Variants in GRM8 observed in about 807,000 individuals in gnomAD.
GRM8 encodes the protein glutamate metabotropic receptor 8, also known as metabotropic glutamate receptor 8.
In GRM8, 47 loss-of-function variants were observed where a neutral mutation model predicts 87.2. The ratio of observed to expected loss-of-function variants is 0.54; its 90% confidence interval spans 0.43 to 0.69. GRM8 has a LOEUF of 0.69. Ranked by LOEUF, GRM8 falls within the 30% of genes least tolerant of loss-of-function variation. The pLI, the probability that GRM8 is intolerant of heterozygous loss-of-function variation, is 0.00. For synonymous variants in GRM8, 396 were observed against 404.5 expected, an observed-to-expected ratio of 0.98 and a Z score of 0.25; for missense variants, 1,019 against 1,139.2, an observed-to-expected ratio of 0.89 and a Z score of 1.52.
intron 7 of GRM8, among the ~76,000 whole-genome samples, chr7:126,732,893 G>A (rs2299503): frequency 0.35 from 53,000 of 151,918 alleles, 9,654 homozygotes; most frequent in Non-Finnish European, 0.38. Flanking sequence ...TTATGTTTAG[G>A]TCACGGTTGC....
intron 2 of GRM8, among the ~76,000 whole-genome samples, chr7:127,147,208 C>T (rs151159064): frequency 3.3e-5 from 5 of 152,024 alleles, no homozygotes; most frequent in East Asian, 3.9e-4. Context: ...CCACAGAAAG[C>T]CTCAGAGAGC....
intron 3 of GRM8, among the ~76,000 whole-genome samples, chr7:126,993,032 G>GCATC (rs1402137295): frequency 2.0e-5 from 3 of 152,004 alleles, no homozygotes; most frequent in Non-Finnish European, 2.9e-5. Flanking sequence ...TTTTGTTATG[G>GCATC]CATCCCAAGC....
chr7:126,536,653 T>G (rs1313924491), intron 8 of GRM8, among the ~76,000 whole-genome samples: 1 of 151,826 alleles, frequency 6.6e-6, no homozygotes, highest in Non-Finnish European at 1.5e-5. Context: ...TCAAAAATAC[T>G]GAGAAAAAAA....
At chr7:127,110,336 C>T (rs1248623055) in intron 2 of GRM8, among the ~76,000 whole-genome samples, 1 of 152,200 alleles carries the variant, frequency 6.6e-6, no homozygotes, top group African/African-American at 2.4e-5. Flanking sequence ...CAGCCCTGCC[C>T]TAACTTCTTA....
chr7:126,487,273 C>A (rs1000281897), intron 9 of GRM8, among the ~76,000 whole-genome samples: 5 of 151,740 alleles, frequency 3.3e-5, no homozygotes, highest in African/African-American at 2.4e-5. Context: ...GCTTCAGACA[C>A]GCAATATGGT....
intron 2 of GRM8, among the ~76,000 whole-genome samples, chr7:127,108,167 T>C (rs1825995557): frequency 6.6e-6 from 1 of 152,124 alleles, no homozygotes; most frequent in Non-Finnish European, 1.5e-5. Flanking sequence ...GACAAATTTT[T>C]CCCCTGGTTA....
At chr7:127,178,751 C>T (rs1479005488) in intron 2 of GRM8, among the ~76,000 whole-genome samples, 3 of 152,018 alleles carry the variant, frequency 2.0e-5, no homozygotes, top group Non-Finnish European at 2.9e-5. Context: ...GCATCATATA[C>T]GAAGGAAAGA....
At chr7:127,018,046 C>T (rs955714924) in intron 3 of GRM8, among the ~76,000 whole-genome samples, 27 of 152,024 alleles carry the variant, frequency 1.8e-4, no homozygotes, top group African/African-American at 6.5e-4. Flanking sequence ...GTAAATATGG[C>T]CGCTGGCCTC....
intron 3 of GRM8, among the ~76,000 whole-genome samples, chr7:127,041,694 G>C (rs1042674570): frequency 6.6e-6 from 1 of 152,192 alleles, no homozygotes; most frequent in African/African-American, 2.4e-5. Context: ...AGCCTGCTGT[G>C]TAAAATGAAG....
chr7:126,669,035 G>A (rs1806100539), intron 7 of GRM8, among the ~76,000 whole-genome samples: 1 of 152,176 alleles, frequency 6.6e-6, no homozygotes, highest in Non-Finnish European at 1.5e-5. Context: ...GATGAAGGTG[G>A]AAGCCATCAT....
At chr7:127,076,348 A>G in intron 3 of GRM8, 1 of 359,212 alleles carries the variant, frequency 2.8e-6, no homozygotes, top group Non-Finnish European at 5.5e-6. Flanking sequence ...AGAGCACAGC[A>G]AACACTCAGA....
chr7:126,625,888 C>A (rs1471529831), intron 7 of GRM8, among the ~76,000 whole-genome samples: 2 of 151,888 alleles, frequency 1.3e-5, no homozygotes, highest in Admixed American at 6.6e-5. Flanking sequence ...GAGAACAAAC[C>A]AAAATACGTT....
chr7:126,506,229 TTG>T (rs777722039), intron 9 of GRM8, among the ~76,000 whole-genome samples: 47 of 151,322 alleles, frequency 3.1e-4, no homozygotes, highest in Non-Finnish European at 4.9e-4. Flanking sequence ...ACACGTATGA[TTG>T]TGTGTGTGTG....
chr7:126,912,047 A>G (rs75187203), intron 3 of GRM8, among the ~76,000 whole-genome samples: 1 of 152,076 alleles, frequency 6.6e-6, no homozygotes, highest in Non-Finnish European at 1.5e-5. Flanking sequence ...ACAAAAAAAA[A>G]TTAGCTGGGC....
chr7:126,595,505 A>C (rs1797094907), intron 8 of GRM8, among the ~76,000 whole-genome samples: 1 of 151,356 alleles, frequency 6.6e-6, no homozygotes, highest in African/African-American at 2.4e-5. Flanking sequence ...GGACTCAAGT[A>C]ATCAGCCTGT....
intron 7 of GRM8, among the ~76,000 whole-genome samples, chr7:126,742,300 G>A (rs1815098060): frequency 6.6e-6 from 1 of 151,952 alleles, no homozygotes; most frequent in African/African-American, 2.4e-5. Flanking sequence ...ACTTTATATA[G>A]GTAGAAAGAC....
chr7:127,028,116 T>C (rs1816977933), intron 3 of GRM8, among the ~76,000 whole-genome samples: 1 of 152,248 alleles, frequency 6.6e-6, no homozygotes, highest in Non-Finnish European at 1.5e-5. Flanking sequence ...GTTCTGTTTA[T>C]GTGACAGATT....
intron 3 of GRM8, among the ~76,000 whole-genome samples, chr7:127,004,249 A>G (rs1313885384): frequency 1.3e-5 from 2 of 151,716 alleles, no homozygotes; most frequent in East Asian, 3.9e-4. Flanking sequence ...AGGTGATGAA[A>G]TAACAAAATG....
At chr7:127,088,791 T>C (rs998355626) in intron 3 of GRM8, among the ~76,000 whole-genome samples, 3 of 152,176 alleles carry the variant, frequency 2.0e-5, no homozygotes, top group Non-Finnish European at 4.4e-5. Flanking sequence ...TGACCATATG[T>C]TTCAAGTGGA....
Sources: gnomAD v4.1 joint callset for allele counts (sites outside exome capture counted in the v4.1 genomes callset) on GRCh38, gnomAD v4.1.1 for gene constraint, MANE v1.5 for transcripts, NCBI Gene and HGNC (gene_info 2026-07-23, HGNC 2026-07-21) for gene names.